Variants in WBP1L observed in about 807,000 individuals in gnomAD.
WBP1L encodes WW domain binding protein 1 like.
WBP1L carries 17 observed loss-of-function variants against 33.7 expected under a neutral mutation model. The observed-to-expected ratio is 0.50, with a 90% CI of 0.34 to 0.76. WBP1L has a LOEUF of 0.76. Ranked by LOEUF, WBP1L falls within the 30% of genes least tolerant of loss-of-function variation. The probability of loss-of-function intolerance (pLI) is 0.01; values close to 1 mark genes in which losing one functional copy is unlikely to be tolerated. For missense variants in WBP1L, 389 were observed against 469.4 expected (o/e 0.83, Z 1.58); for synonymous variants, 173 against 190.8 (o/e 0.91, Z 0.77).
chr10:102,775,253 G>A (rs1223297688), intron 1 of WBP1L, among the ~76,000 whole-genome samples: 1 of 152,140 alleles, frequency 6.6e-6, no homozygotes, highest in East Asian at 1.9e-4. Flanking sequence ...CTTTGGTAGA[G>A]GATTCAGGCC....
intron 2 of WBP1L, among the ~76,000 whole-genome samples, chr10:102,803,086 G>A (rs1843681257): frequency 2.0e-5 from 3 of 152,218 alleles, no homozygotes; most frequent in Non-Finnish European, 4.4e-5. Flanking sequence ...GCTGGGCTTT[G>A]AACCCAGGCC....
chr10:102,797,474 C>T (rs1465999213), intron 1 of WBP1L, among the ~76,000 whole-genome samples: 2 of 152,218 alleles, frequency 1.3e-5, no homozygotes, highest in African/African-American at 2.4e-5. Flanking sequence ...CTCCTCTCCT[C>T]TTTAATAAAC....
At chr10:102,751,670 T>C (rs1433716468) in intron 1 of WBP1L, among the ~76,000 whole-genome samples, 1 of 152,218 alleles carries the variant, frequency 6.6e-6, no homozygotes, top group East Asian at 1.9e-4. Context: ...GACTACATAT[T>C]GGAGGATACT....
At chr10:102,806,544 A>G (rs1390749439) in intron 2 of WBP1L, among the ~76,000 whole-genome samples, 5 of 152,210 alleles carry the variant, frequency 3.3e-5, no homozygotes, top group African/African-American at 4.8e-5. Flanking sequence ...AGAAAGAAAC[A>G]TAAGTTAAGC....
chr10:102,810,357 CCCTTCCTCCCTCCCTT>C (rs1325853625), intron 3 of WBP1L, among the ~76,000 whole-genome samples: 1 of 131,436 alleles, frequency 7.6e-6, no homozygotes, highest in African/African-American at 2.9e-5. Flanking sequence ...CTAACTTCCT[CCCTTCCTCCCTCCCTT>C]CCTTCCTCCC....
chr10:102,804,579 A>G (rs2134064004), intron 2 of WBP1L, among the ~76,000 whole-genome samples: 1 of 152,234 alleles, frequency 6.6e-6, no homozygotes, highest in East Asian at 1.9e-4. Flanking sequence ...GGAACAAGCA[A>G]GTCCAAAATC....
At chr10:102,744,216 G>A (rs1842833917) in intron 1 of WBP1L, 73 bp downstream of exon 1, 2 of 1,436,816 alleles carry the variant, frequency 1.4e-6, no homozygotes, top group Middle Eastern at 2.3e-4. Context: ...GGGTCTGAAG[G>A]AGTGTTGTTG....
chr10:102,776,955 T>C (rs1843272573), intron 1 of WBP1L, among the ~76,000 whole-genome samples: 1 of 151,656 alleles, frequency 6.6e-6, no homozygotes, highest in African/African-American at 2.4e-5. Flanking sequence ...GGGGAAGGGG[T>C]GTGGAATTGA....
Position 102,812,825 on chromosome 10 carries a change from G to A in WBP1L, c.586G>A (p.Ala196Thr), listed in dbSNP as rs964843862. Residue 196 changes from alanine (A) to threonine (T), a missense_variant, in exon 4 of 4, where the codon GCT becomes ACT. Physicochemically the swap from Ala to Thr is moderately conservative, Grantham distance 58. Transcript: ENST00000448841. Reference protein sequence around the residue: ...SRSSTRPPSIADPDPSDLPVD... With the variant: ...SRSSTRPPSITDPDPSDLPVD... ...AAGCAGCACAAGACCCCCAAGCATC[G>A]CTGACCCTGATCCCTCTGACCTACC... The A allele has an allele frequency of 6.3e-6, 10 of 1,592,308 alleles. No individual in the cohort carries two copies. The highest frequency in any genetic ancestry group is 4.0e-5 in the African/African-American group (3 of 74,388).
At chr10:102,746,651 G>GA (rs201612080) in intron 1 of WBP1L, among the ~76,000 whole-genome samples, 35 of 150,252 alleles carry the variant, frequency 2.3e-4, no homozygotes, top group Admixed American at 6.6e-4. Flanking sequence ...AATCAGTAAG[G>GA]AAAAAAAAAT....
At chr10:102,759,182 G>A (rs1473594451) in intron 1 of WBP1L, among the ~76,000 whole-genome samples, 1 of 152,024 alleles carries the variant, frequency 6.6e-6, no homozygotes, top group Non-Finnish European at 1.5e-5. Context: ...GCTAAGTAAC[G>A]GGTGCCTTCC....
intron 1 of WBP1L, among the ~76,000 whole-genome samples, chr10:102,781,736 G>A (rs574964139): frequency 3.3e-5 from 5 of 152,278 alleles, no homozygotes; most frequent in African/African-American, 7.2e-5. Context: ...GCTACCAAAA[G>A]TTGAAGCCAG....
Position 102,813,233 on chromosome 10 carries a change from G to T in WBP1L, c.994G>T (p.Gly332Trp), listed in dbSNP as rs745388581. The change falls in exon 4 of 4, where the codon GGG (glycine) becomes TGG (tryptophan). Residue 332 changes from glycine (G) to tryptophan (W), a missense_variant. Gly to Trp is a radical substitution (Grantham distance 184). Transcript: ENST00000448841. ...QSSEEQAREPGHPHLPRPPAC... is the reference protein window; with the variant it reads ...QSSEEQAREPWHPHLPRPPAC... The stretch of plus-strand genomic sequence containing the variant: ...CTCTGAGGAGCAGGCTCGAGAGCCT[G>T]GGCACCCGCACCTGCCACGGCCGCC... 11 of 1,612,568 alleles carry T rather than the reference G, an allele frequency of 6.8e-6. 1 individual carries two copies. The South Asian group carries it at 1.2e-4, about 18-fold the overall frequency.
Position 102,761,698 on chromosome 10 carries a change from C to T in WBP1L, c.90+17555C>T, listed in dbSNP as rs553080164. On this transcript the variant is annotated intron_variant, in intron 1 of 3. Coordinates refer to ENST00000448841, the MANE Select transcript of WBP1L (RefSeq NM_001083913.2). ...GTCTCAATTTCCTGATCTCGTGATA[C>T]ACCCACCTCGGCCTAATTTTTTGTA... 1.7e-3 allele frequency among the ~76,000 whole-genome samples: 252 copies of T among 152,028 alleles called. 7 individuals are homozygous for T. Among genetic ancestry groups the T allele is most frequent in the South Asian group, 6.5e-3 (31 of 4,802 alleles).
intron 1 of WBP1L, among the ~76,000 whole-genome samples, chr10:102,778,259 C>T (rs1241603875): frequency 1.3e-5 from 2 of 152,166 alleles, no homozygotes; most frequent in African/African-American, 2.4e-5. Flanking sequence ...TTGACAGGAG[C>T]CAGGTGTGCT....
Position 102,815,696 on chromosome 10 carries a change from G to A in WBP1L, c.*2365G>A, listed in dbSNP as rs1422104199. On this transcript the variant is annotated 3_prime_UTR_variant, in exon 4 of 4. Coordinates refer to ENST00000448841, the MANE Select transcript of WBP1L (RefSeq NM_001083913.2). The stretch of plus-strand genomic sequence containing the variant: ...AGAATCCCAAATAACTCACTGAAGT[G>A]TCTCAAAGGCGAACAAGTTTTACCA... 6.6e-6 allele frequency: 1 copy of A among 152,170 alleles called. No homozygotes were observed. The highest frequency in any genetic ancestry group is 1.5e-5 in the Non-Finnish European group (1 of 68,038). The allele number at this position is 152,170 out of a possible 1,614,324, so 9.4% of individuals were successfully genotyped here.
intron 1 of WBP1L, among the ~76,000 whole-genome samples, chr10:102,785,733 C>T (rs1018743838): frequency 7.9e-5 from 12 of 152,254 alleles, no homozygotes; most frequent in African/African-American, 2.9e-4. Context: ...CTGCATGCTA[C>T]CTGCTATTTC....
chr10:102,807,614 C>T (rs976414537), intron 2 of WBP1L, among the ~76,000 whole-genome samples: 4 of 152,054 alleles, frequency 2.6e-5, no homozygotes, highest in African/African-American at 4.8e-5. Context: ...TGTCGTGATC[C>T]GCCCACCTTG....
intron 1 of WBP1L, among the ~76,000 whole-genome samples, chr10:102,754,428 T>G (rs1228367852): frequency 6.6e-6 from 1 of 152,218 alleles, no homozygotes; most frequent in Non-Finnish European, 1.5e-5. Flanking sequence ...AGATGAAGTC[T>G]TGCTCTGTTG....
Sources: gnomAD v4.1 joint callset for allele counts (sites outside exome capture counted in the v4.1 genomes callset) on GRCh38, gnomAD v4.1.1 for gene constraint, MANE v1.5 for transcripts, NCBI Gene and HGNC (gene_info 2026-07-23, HGNC 2026-07-21) for gene names.